The following MACROD2 variants were observed in gnomAD, a reference collection of about 807,000 sequenced individuals.
The protein encoded by MACROD2 is ADP-ribose glycohydrolase MACROD2.
A neutral mutation model predicts 70.4 loss-of-function variants in MACROD2; 36 were observed. The observed-to-expected ratio is 0.51, with a 90% CI of 0.39 to 0.68. MACROD2 has a LOEUF of 0.68. Ranked by LOEUF, MACROD2 falls within the 30% of genes least tolerant of loss-of-function variation. The pLI is 0.00. For synonymous variants in MACROD2, 172 were observed against 178.8 expected (o/e 0.96, Z 0.30); for missense variants, 496 against 538.4 (o/e 0.92, Z 0.78).
chr20:15,894,424 G>A (rs1473401659), intron 10 of MACROD2, among the ~76,000 whole-genome samples: 3 of 152,184 alleles, frequency 2.0e-5, no homozygotes, highest in African/African-American at 4.8e-5. Flanking sequence ...CCTCACAGGC[G>A]AGTGCAGGTG....
intron 3 of MACROD2, among the ~76,000 whole-genome samples, chr20:14,256,117 T>G (rs753051605): frequency 3.9e-5 from 6 of 152,132 alleles, no homozygotes; most frequent in Non-Finnish European, 7.4e-5. Context: ...TATTTTCTTT[T>G]TGCCTTTTTA....
At chr20:15,153,859 C>A (rs986197047) in intron 5 of MACROD2, among the ~76,000 whole-genome samples, 3 of 152,008 alleles carry the variant, frequency 2.0e-5, no homozygotes, top group African/African-American at 7.2e-5. Context: ...TTGTGGAAAC[C>A]CATGGAGCTG....
chr20:15,746,759 G>A (rs2051190348), intron 8 of MACROD2, among the ~76,000 whole-genome samples: 2 of 152,030 alleles, frequency 1.3e-5, no homozygotes, highest in African/African-American at 4.8e-5. Flanking sequence ...TATTGAGGTT[G>A]TGTTTTTTTC....
chr20:14,292,774 A>T (rs2082396995), intron 3 of MACROD2, among the ~76,000 whole-genome samples: 1 of 151,700 alleles, frequency 6.6e-6, no homozygotes, highest in Non-Finnish European at 1.5e-5. Context: ...AGCTGGGATT[A>T]CAGGTGCCTG....
chr20:15,732,507 C>G (rs530128053), intron 8 of MACROD2, among the ~76,000 whole-genome samples: 1 of 152,290 alleles, frequency 6.6e-6, no homozygotes, highest in East Asian at 1.9e-4. Flanking sequence ...TCATGAATGC[C>G]TGTTGAATTT....
chr20:15,050,354 A>T (rs1462063058), intron 5 of MACROD2, among the ~76,000 whole-genome samples: 1 of 152,212 alleles, frequency 6.6e-6, no homozygotes, highest in Admixed American at 6.5e-5. Flanking sequence ...TGAAAAGCAC[A>T]TAATTTATCT....
intron 8 of MACROD2, among the ~76,000 whole-genome samples, chr20:15,590,292 G>A (rs1421524270): frequency 1.3e-5 from 2 of 152,160 alleles, no homozygotes; most frequent in Non-Finnish European, 2.9e-5. Context: ...AAATTTGTGA[G>A]GCAAGAGTTC....
At chr20:14,189,657 A>G (rs1041201174) in intron 3 of MACROD2, among the ~76,000 whole-genome samples, 8 of 152,196 alleles carry the variant, frequency 5.3e-5, no homozygotes, top group African/African-American at 1.9e-4. Flanking sequence ...GAATGCAGAA[A>G]TTATGAGAGG....
chr20:14,316,369 A>G (rs1007795752), intron 3 of MACROD2, among the ~76,000 whole-genome samples: 3 of 152,208 alleles, frequency 2.0e-5, no homozygotes, highest in Non-Finnish European at 4.4e-5. Flanking sequence ...AATGCTTTCT[A>G]GTTATCTCAG....
At chr20:15,082,734 C>T (rs2075715113) in intron 5 of MACROD2, among the ~76,000 whole-genome samples, 1 of 151,980 alleles carries the variant, frequency 6.6e-6, no homozygotes, top group South Asian at 2.1e-4. Context: ...CTAGCATTTT[C>T]CCCTTTGAAT....
chr20:15,486,676 C>T (rs906371093), intron 7 of MACROD2, among the ~76,000 whole-genome samples: 1 of 152,100 alleles, frequency 6.6e-6, no homozygotes, highest in African/African-American at 2.4e-5. Flanking sequence ...ATTTATTATG[C>T]AGAGAATATT....
At chr20:14,108,749 C>T (rs1031269480) in intron 3 of MACROD2, among the ~76,000 whole-genome samples, 2 of 151,938 alleles carry the variant, frequency 1.3e-5, no homozygotes, top group Non-Finnish European at 2.9e-5. Flanking sequence ...TGCTGGAGCA[C>T]CCAGATGTAT....
intron 4 of MACROD2, among the ~76,000 whole-genome samples, chr20:14,580,130 T>A (rs1307817412): frequency 1.3e-5 from 2 of 152,142 alleles, no homozygotes; most frequent in Admixed American, 1.3e-4. Context: ...AAATTAAACA[T>A]CTAAGTACAA....
intron 7 of MACROD2, among the ~76,000 whole-genome samples, chr20:15,475,894 A>G (rs1209921840): frequency 2.0e-5 from 3 of 152,246 alleles, no homozygotes; most frequent in African/African-American, 7.2e-5. Flanking sequence ...TTTCAGGCTC[A>G]TCAAACCCTC....
intron 6 of MACROD2, among the ~76,000 whole-genome samples, chr20:15,301,827 C>T (rs151009015): frequency 1.4e-3 from 218 of 152,130 alleles, no homozygotes; most frequent in African/African-American, 5.1e-3. Flanking sequence ...TTTAGCTTTC[C>T]CCTTCCATCA....
chr20:14,519,671 G>A (rs1004803339), intron 4 of MACROD2, among the ~76,000 whole-genome samples: 16 of 152,094 alleles, frequency 1.1e-4, no homozygotes, highest in African/African-American at 3.9e-4. Context: ...TCCTCAAAGA[G>A]CTAAAAACAG....
intron 8 of MACROD2, among the ~76,000 whole-genome samples, chr20:15,647,222 T>C (rs766422606): frequency 6.6e-5 from 10 of 152,186 alleles, no homozygotes; most frequent in Non-Finnish European, 1.5e-4. Flanking sequence ...GAATTATTTA[T>C]GGAAGAGTTG....
intron 5 of MACROD2, among the ~76,000 whole-genome samples, chr20:15,157,991 C>T (rs1325750908): frequency 6.6e-6 from 1 of 152,152 alleles, no homozygotes; most frequent in East Asian, 1.9e-4. Context: ...AAATTCTCTT[C>T]AGTTACCCCT....
At chr20:15,538,165 A>T (rs574791030) in intron 8 of MACROD2, among the ~76,000 whole-genome samples, 5 of 152,346 alleles carry the variant, frequency 3.3e-5, no homozygotes, top group East Asian at 1.9e-4. Flanking sequence ...AAAACAACTT[A>T]AAAAAACTAC....
Sources: gnomAD v4.1 joint callset for allele counts (sites outside exome capture counted in the v4.1 genomes callset) on GRCh38, gnomAD v4.1.1 for gene constraint, MANE v1.5 for transcripts, NCBI Gene and HGNC (gene_info 2026-07-23, HGNC 2026-07-21) for gene names.